Variants in TRPM3 observed in about 807,000 individuals in gnomAD.
TRPM3 encodes long transient receptor potential channel 3.
TRPM3 carries 77 observed loss-of-function variants against 181.2 expected under a neutral mutation model. That is an observed-to-expected ratio of 0.42 (90% CI 0.35 to 0.51). The LOEUF (loss-of-function observed/expected upper bound fraction) is 0.51, where lower values mean the gene tolerates loss of function less well. TRPM3 is among the 20% of genes least tolerant of loss of function. The pLI, the probability that TRPM3 is intolerant of heterozygous loss-of-function variation, is 0.01. For synonymous variants in TRPM3, 745 were observed against 796.4 expected, an observed-to-expected ratio of 0.94 and a Z score of 1.09; for missense variants, 1,759 against 2,196.7, an observed-to-expected ratio of 0.80 and a Z score of 3.98.
chr9:70,966,728 T>C (rs968629573), intron 1 of TRPM3, among the ~76,000 whole-genome samples: 5 of 151,700 alleles, frequency 3.3e-5, no homozygotes, highest in Middle Eastern at 3.2e-3. Flanking sequence ...ACACCACACA[T>C]TGGGGTTTAT....
chr9:70,840,306 C>T (rs1236065235), intron 5 of TRPM3, among the ~76,000 whole-genome samples: 1 of 152,074 alleles, frequency 6.6e-6, no homozygotes, highest in African/African-American at 2.4e-5. Context: ...TTCAATAGAT[C>T]CCTGTGAAAG....
intron 19 of TRPM3, 128 bp from the exon 20 acceptor site, chr9:70,603,598 T>C: frequency 1.1e-6 from 1 of 920,012 alleles, no homozygotes; most frequent in African/African-American, 1.7e-5. Flanking sequence ...CAAAAGGAAC[T>C]TGAAGGTGCT....
chr9:70,763,132 C>T (rs1003434422), intron 7 of TRPM3, among the ~76,000 whole-genome samples: 4 of 152,174 alleles, frequency 2.6e-5, no homozygotes, highest in African/African-American at 7.2e-5. Context: ...ACTATACCAA[C>T]GATCCTGGAA....
chr9:71,404,363 T>C lies in TRPM3; in HGVS notation c.183+42290A>G, dbSNP rs117701285. Reference sequence around the variant, plus strand: ...TTAATATCAACCTTAATCAGATGCATTTCCACCTGAACAACATAGTATAAC... The same window carrying C: ...TTAATATCAACCTTAATCAGATGCACTTCCACCTGAACAACATAGTATAAC... On this transcript the variant is annotated intron_variant, in intron 1 of 24. Transcript: ENST00000357533. 3.8e-3 allele frequency among the ~76,000 whole-genome samples: 574 copies of C among 152,342 alleles called. 4 individuals carry two copies. The highest frequency in any genetic ancestry group is 3.1e-3 in the Non-Finnish European group (211 of 68,040).
intron 1 of TRPM3, among the ~76,000 whole-genome samples, chr9:71,340,397 T>G (rs2090877367): frequency 6.6e-6 from 1 of 152,120 alleles, no homozygotes; most frequent in Non-Finnish European, 1.5e-5. Flanking sequence ...TCATCTTGAA[T>G]TACCATGTGT....
At chr9:70,562,529 A>C (rs1208053352) in intron 22 of TRPM3, among the ~76,000 whole-genome samples, 1 of 152,040 alleles carries the variant, frequency 6.6e-6, no homozygotes, top group South Asian at 2.1e-4. Context: ...TGAGCTATTC[A>C]GAACCCACTA....
chr9:71,102,372 G>A (rs182495183), intron 1 of TRPM3, among the ~76,000 whole-genome samples: 36 of 152,264 alleles, frequency 2.4e-4, no homozygotes, highest in African/African-American at 7.9e-4. Flanking sequence ...TGTTGAACAC[G>A]TTTTCCCCTA....
rs993146111 is a variant in TRPM3 at position 71,146,563 on chromosome 9, G to A, written c.184-282052C>T. On this transcript the variant is annotated intron_variant, in intron 1 of 24. Coordinates refer to the TRPM3 transcript ENST00000357533. ...TTAGAGCTCAATTATGCCCCAGGGA[G>A]CACCTTAATAACAGTAGTGGAGACT... 5.3e-5 allele frequency among the ~76,000 whole-genome samples: 8 copies of A among 152,130 alleles called. No homozygotes were observed. The East Asian group carries it at 7.7e-4, about 15-fold the overall frequency.
chr9:71,135,162 G>A (rs2074686817), intron 1 of TRPM3, among the ~76,000 whole-genome samples: 1 of 152,188 alleles, frequency 6.6e-6, no homozygotes, highest in African/African-American at 2.4e-5. Flanking sequence ...TGCTCATAAT[G>A]TCATCTTCCA....
At chr9:70,968,492 C>A (rs1358307944) in intron 1 of TRPM3, among the ~76,000 whole-genome samples, 2 of 152,136 alleles carry the variant, frequency 1.3e-5, no homozygotes, top group African/African-American at 4.8e-5. Context: ...AATCTGAGAG[C>A]CCCTCTTATG....
intron 1 of TRPM3, among the ~76,000 whole-genome samples, chr9:71,003,076 T>G (rs2097628611): frequency 6.6e-6 from 1 of 152,116 alleles, no homozygotes; most frequent in Non-Finnish European, 1.5e-5. Context: ...TGGTCATTTG[T>G]TACATTGACA....
rs533757528 is a variant in TRPM3, at chr9:70,923,937, CATATATATAT to C, written c.178-59436_178-59427del. 1.1e-3 allele frequency among the ~76,000 whole-genome samples: 155 copies of C among 145,072 alleles called. 1 individual carries two copies. Among genetic ancestry groups the C allele is most frequent in the Non-Finnish European group, 1.7e-3 (111 of 67,142 alleles). On this transcript the variant is annotated intron_variant, in intron 1 of 25. Coordinates refer to ENST00000677713, the MANE Select transcript of TRPM3 (RefSeq NM_001366145.2). The stretch of plus-strand genomic sequence containing the variant: ...ATATACATATATACACACATATATA[CATATATATAT>C]ACACACACACACATATATATATACA...
rs540686592 is a variant in TRPM3, at chr9:71,348,318, T to C, written c.183+98335A>G. On this transcript the variant is annotated intron_variant, in intron 1 of 24. Coordinates refer to the TRPM3 transcript ENST00000357533. ...CTACTAGTCTTTAAATTTTTTGTGATTGAATATCTCACAGCAGCACAATTC... is the reference window on the plus strand; with the variant it reads ...CTACTAGTCTTTAAATTTTTTGTGACTGAATATCTCACAGCAGCACAATTC... 2.0e-5 allele frequency among the ~76,000 whole-genome samples: 3 copies of C among 152,176 alleles called. No homozygotes were observed. In the East Asian group the frequency reaches 5.8e-4, roughly 29 times the overall value.
intron 1 of TRPM3, among the ~76,000 whole-genome samples, chr9:71,008,672 GTC>G (rs2097704982): frequency 6.6e-6 from 1 of 152,086 alleles, no homozygotes; most frequent in African/African-American, 2.4e-5. Flanking sequence ...GTGAAACCCT[GTC>G]TCTACTAAAA....
At chr9:71,098,069 T>C (rs794284) in intron 1 of TRPM3, among the ~76,000 whole-genome samples, 2,648 of 152,168 alleles carry the variant, frequency 0.017, 39 homozygotes, top group Middle Eastern at 0.031. Flanking sequence ...GCTCAGGCCA[T>C]GGGAATTTCA....
chr9:70,932,515 G>A (rs1039533320), intron 1 of TRPM3, among the ~76,000 whole-genome samples: 1 of 152,098 alleles, frequency 6.6e-6, no homozygotes, highest in African/African-American at 2.4e-5. Context: ...GAATAATTAA[G>A]GTCTGAGCTA....
At chr9:70,941,116 C>T (rs941752612) in intron 1 of TRPM3, among the ~76,000 whole-genome samples, 18 of 152,052 alleles carry the variant, frequency 1.2e-4, no homozygotes, top group Non-Finnish European at 2.2e-4. Context: ...AAGTATTGTT[C>T]CAGGGTATGT....
At chr9:71,029,333 A>G (rs1274268750) in intron 1 of TRPM3, among the ~76,000 whole-genome samples, 1 of 152,220 alleles carries the variant, frequency 6.6e-6, no homozygotes, top group Non-Finnish European at 1.5e-5. Flanking sequence ...ACATGAAGAG[A>G]GAATAAAAGA....
intron 12 of TRPM3, among the ~76,000 whole-genome samples, chr9:70,628,774 G>A (rs563705278): frequency 5.1e-4 from 68 of 132,586 alleles, no homozygotes; most frequent in African/African-American, 1.9e-3. Context: ...AGCCGAGATT[G>A]CACCACTGCA....
Sources: allele counts gnomAD v4.1 joint callset (sites outside exome capture counted in the v4.1 genomes callset), GRCh38; gene constraint gnomAD v4.1.1; transcripts MANE v1.5; gene names NCBI Gene and HGNC (gene_info 2026-07-23, HGNC 2026-07-21).